GALNTL6: variants seen among roughly 807,000 people sequenced by gnomAD.
GALNTL6 encodes polypeptide N-acetylgalactosaminyltransferase like 6.
A neutral mutation model predicts 73.7 loss-of-function variants in GALNTL6; 46 were observed. That is an observed-to-expected ratio of 0.62 (90% CI 0.49 to 0.80). The LOEUF is 0.80. Ranked by LOEUF, GALNTL6 falls within the 30% of genes least tolerant of loss-of-function variation. The probability of loss-of-function intolerance (pLI) is 0.00; values close to 1 mark genes in which losing one functional copy is unlikely to be tolerated. For missense variants in GALNTL6, 604 were observed against 755.0 expected (o/e 0.80, Z 2.34); for synonymous variants, 259 against 263.7 (o/e 0.98, Z 0.17).
intron 5 of GALNTL6, among the ~76,000 whole-genome samples, chr4:172,794,378 A>G (rs1400758725): frequency 1.3e-5 from 2 of 152,208 alleles, no homozygotes; most frequent in Non-Finnish European, 2.9e-5. Flanking sequence ...CATGTAGGCA[A>G]TGCTAGTTTG....
intron 5 of GALNTL6, among the ~76,000 whole-genome samples, chr4:172,567,868 C>T (rs1736615821): frequency 1.3e-5 from 2 of 152,048 alleles, no homozygotes; most frequent in African/African-American, 4.8e-5. Context: ...ATTATATTTT[C>T]TATGGGTTGT....
At chr4:172,744,861 G>A (rs1737010581) in intron 5 of GALNTL6, among the ~76,000 whole-genome samples, 1 of 151,218 alleles carries the variant, frequency 6.6e-6, no homozygotes, top group Non-Finnish European at 1.5e-5. Flanking sequence ...GTGTGTGTGT[G>A]TGTGTGTGTG....
chr4:173,003,860 G>A (rs995220897), intron 10 of GALNTL6, among the ~76,000 whole-genome samples: 7 of 152,104 alleles, frequency 4.6e-5, no homozygotes, highest in Non-Finnish European at 1.5e-5. Flanking sequence ...CACCCAGAAC[G>A]GTCATTTCCT....
intron 5 of GALNTL6, among the ~76,000 whole-genome samples, chr4:172,571,974 G>A (rs937613219): frequency 5.9e-5 from 9 of 151,966 alleles, no homozygotes; most frequent in South Asian, 2.1e-4. Flanking sequence ...CTTTTCCCCC[G>A]TATTGTCAAA....
chr4:171,982,633 G>A (rs768141417), intron 2 of GALNTL6, among the ~76,000 whole-genome samples: 2 of 152,124 alleles, frequency 1.3e-5, no homozygotes, highest in Non-Finnish European at 2.9e-5. Flanking sequence ...AGACGAGCTT[G>A]TTGGAGGTCC....
intron 2 of GALNTL6, among the ~76,000 whole-genome samples, chr4:171,985,722 T>A (rs945343170): frequency 6.6e-6 from 1 of 150,722 alleles, no homozygotes; most frequent in African/African-American, 2.5e-5. Context: ...ATCTGGGAAA[T>A]TTGGTAACTC....
intron 5 of GALNTL6, among the ~76,000 whole-genome samples, chr4:172,675,033 A>G (rs1259597508): frequency 1.3e-5 from 2 of 152,182 alleles, no homozygotes. Context: ...AGTCATTTGG[A>G]GGAAAAGCAG....
At chr4:172,230,254 C>T (rs1388993499) in intron 3 of GALNTL6, among the ~76,000 whole-genome samples, 1 of 152,084 alleles carries the variant, frequency 6.6e-6, no homozygotes, top group Admixed American at 6.6e-5. Context: ...GGCAGTTAAA[C>T]GGAATCAAGT....
chr4:172,429,125 A>T (rs115608171), intron 5 of GALNTL6, among the ~76,000 whole-genome samples: 3,223 of 151,792 alleles, frequency 0.021, 112 homozygotes, highest in African/African-American at 0.073. Context: ...GCATGCCTTC[A>T]TGAGCTAATC....
chr4:172,236,682 G>T (rs1737254706), intron 3 of GALNTL6, among the ~76,000 whole-genome samples: 1 of 151,994 alleles, frequency 6.6e-6, no homozygotes, highest in Admixed American at 6.6e-5. Flanking sequence ...CACCTCTGTG[G>T]AATATTTGGT....
At chr4:171,972,798 T>A (rs72993060) in intron 2 of GALNTL6, among the ~76,000 whole-genome samples, 8,134 of 152,218 alleles carry the variant, frequency 0.053, 592 homozygotes, top group African/African-American at 0.16. Flanking sequence ...CAAAGTCATG[T>A]AATTCTAGAA....
chr4:171,958,153 C>A (rs1250172413), intron 2 of GALNTL6, among the ~76,000 whole-genome samples: 1 of 152,084 alleles, frequency 6.6e-6, no homozygotes, highest in African/African-American at 2.4e-5. Flanking sequence ...TTACTGATAT[C>A]CTTGAAATTA....
chr4:172,853,779 A>G (rs1187873414), intron 7 of GALNTL6, among the ~76,000 whole-genome samples: 3 of 152,308 alleles, frequency 2.0e-5, no homozygotes, highest in South Asian at 4.2e-4. Context: ...TATTCCTAAT[A>G]TAATTTTTAT....
intron 5 of GALNTL6, among the ~76,000 whole-genome samples, chr4:172,610,652 G>C (rs183957635): frequency 6.6e-6 from 1 of 152,126 alleles, no homozygotes; most frequent in African/African-American, 2.4e-5. Context: ...TGATTAGACT[G>C]TATATTCTGT....
chr4:172,008,453 A>G (rs1740900705), intron 2 of GALNTL6, among the ~76,000 whole-genome samples: 1 of 150,468 alleles, frequency 6.6e-6, no homozygotes, highest in Admixed American at 6.6e-5. Context: ...TTTCTGCATC[A>G]ACTTTCTTTT....
At chr4:171,861,931 A>G (rs1374856385) in intron 2 of GALNTL6, among the ~76,000 whole-genome samples, 5 of 152,208 alleles carry the variant, frequency 3.3e-5, no homozygotes, top group Admixed American at 3.3e-4. Flanking sequence ...AGTGTTTACT[A>G]TGATCAATTT....
intron 4 of GALNTL6, among the ~76,000 whole-genome samples, chr4:172,346,231 A>G (rs1430518560): frequency 6.6e-6 from 1 of 152,240 alleles, no homozygotes; most frequent in Non-Finnish European, 1.5e-5. Flanking sequence ...ATAAATTGAC[A>G]GATAGATGTG....
chr4:172,263,089 A>G (rs1738313560), intron 3 of GALNTL6, among the ~76,000 whole-genome samples: 1 of 151,430 alleles, frequency 6.6e-6, no homozygotes. Flanking sequence ...CCTGATGACC[A>G]TATGTCTAGA....
chr4:172,319,461 C>A (rs1740681018), intron 4 of GALNTL6, among the ~76,000 whole-genome samples: 1 of 152,062 alleles, frequency 6.6e-6, no homozygotes, highest in Non-Finnish European at 1.5e-5. Flanking sequence ...TATAAAGATT[C>A]TTGATTTGAA....
Sources: gnomAD v4.1 joint callset for allele counts (sites outside exome capture counted in the v4.1 genomes callset) on GRCh38, gnomAD v4.1.1 for gene constraint, MANE v1.5 for transcripts, NCBI Gene and HGNC (gene_info 2026-07-23, HGNC 2026-07-21) for gene names.